The following HDAC6 variants were observed in gnomAD, a reference collection of about 807,000 sequenced individuals.
HDAC6 encodes the protein histone deacetylase 6.
In HDAC6, 5 loss-of-function variants were observed where a neutral mutation model predicts 88.9. The observed-to-expected ratio is 0.06, with a 90% CI of 0.03 to 0.12. The LOEUF is 0.12. Ranked by LOEUF, HDAC6 falls within the 10% of genes least tolerant of loss-of-function variation. The pLI, the probability that HDAC6 is intolerant of heterozygous loss-of-function variation, is 1.00. For synonymous variants in HDAC6, 378 were observed against 398.0 expected (o/e 0.95, Z 0.60); for missense variants, 706 against 1,014.4 (o/e 0.70, Z 4.13).
intron 26 of HDAC6, 61 bp from the exon 27 acceptor site, chrX:48,823,861 A>G (rs1557031374): frequency 8.4e-7 from 1 of 1,197,532 alleles, no homozygotes; most frequent in African/African-American, 1.8e-5. Context: ...GCATGTGATG[A>G]ATAAACATAT....
rs782785894 is a variant in HDAC6, at chrX:48,806,166, G to A, written c.438-202G>A. ...GCCAAAGGCCTGAAAGTAGGATTTG[G>A]TGTGGCTACTGCAGGGGAGCAGAGA... On this transcript the variant is annotated intron_variant, in intron 6 of 28. Transcript: ENST00000334136. 3 of 405,547 alleles carry A rather than the reference G, an allele frequency of 7.4e-6. No individual in the cohort carries two copies. In the East Asian group the frequency reaches 1.2e-4, roughly 17 times the overall value. 33.4% of individuals were successfully genotyped at this position (405,547 alleles called of 1,213,427 possible).
chrX:48,803,184 G>A lies in HDAC6; in HGVS notation c.279G>A (p.Gln93=). Residue 93 remains glutamine (Q), a synonymous_variant, in exon 4 of 29, where the codon CAG becomes CAA. Transcript: ENST00000334136. ...LAGTGLVLDE[Q]LNEFHCLWDD... ...GCACTGGCTTGGTGTTGGATGAGCA[G>A]TTAAATGAATTCCATTGCCTCTGGG... The A allele has an allele frequency of 2.5e-6, 3 of 1,210,183 alleles. No individual in the cohort carries two copies. The highest frequency in any genetic ancestry group is 2.2e-5 in the Admixed American group (1 of 45,990).
chrX:48,816,765 G>C (rs1238372989), intron 19 of HDAC6, 132 bp downstream of exon 19: 1 of 489,295 alleles, frequency 2.0e-6, no homozygotes, highest in Non-Finnish European at 3.2e-6. Context: ...GGCACGGGAG[G>C]GGGTGGGCCT....
At chrX:48,801,824 G>C, upstream of HDAC6, 1 of 967,685 alleles carries the variant, frequency 1.0e-6, no homozygotes, top group East Asian at 7.5e-5. Flanking sequence ...GGGCAGTCGA[G>C]AGACGAGGCC....
chrX:48,824,292 C>A lies in HDAC6; in HGVS notation c.3577C>A (p.Gln1193Lys). ...CYYCQAYVHH[Q>K]ALLDVKNIAH... ...CTACTGTCAGGCCTATGTCCACCAC[C>A]AGGTGGGCCCTGGGTAGACCCTTCG... The change falls in exon 28 of 29, where the codon CAG becomes AAG. Residue 1193 changes from glutamine to lysine, a missense_variant and splice_region_variant. By Grantham distance (53) the Gln-to-Lys change is moderately conservative. Around this residue, in one of 9 missense-constraint regions of HDAC6, gnomAD observed 36 missense variants for 35.5 expected, o/e 1.01. Transcript: ENST00000334136. 3.3e-6 allele frequency: 4 copies of A among 1,208,056 alleles called. No individual in the cohort carries two copies. The highest frequency in any genetic ancestry group is 4.5e-6 in the Non-Finnish European group (4 of 893,426).
In HDAC6 at chrX:48,806,596, A is replaced by G. The variant is rs375315596; in HGVS notation, c.535-13A>G. On this transcript the variant is annotated splice_polypyrimidine_tract_variant and intron_variant, in intron 7 of 28. Coordinates refer to ENST00000334136, the MANE Select transcript of HDAC6 (RefSeq NM_006044.4). ...TCCCTTACTCCCTTTCTGGCTCCCCACTGTCTCTCCAGAACTCATACTCCT... is the reference window on the plus strand; with the variant it reads ...TCCCTTACTCCCTTTCTGGCTCCCCGCTGTCTCTCCAGAACTCATACTCCT... 261 of 1,172,916 alleles carry G rather than the reference A, an allele frequency of 2.2e-4. No individual in the cohort carries two copies. In the Middle Eastern group the frequency reaches 7.3e-3, roughly 33 times the overall value.
Position 48,824,258 on chromosome X carries a change from C to A in HDAC6, c.3543C>A (p.Ala1181=). 2.5e-6 allele frequency: 3 copies of A among 1,211,293 alleles called. No homozygotes were observed. The highest frequency in any genetic ancestry group is 3.4e-6 in the Non-Finnish European group (3 of 895,194). The change falls in exon 28 of 29, where the codon GCC becomes GCA. Residue 1181 remains alanine (A), a synonymous_variant. Coordinates refer to ENST00000334136, the MANE Select transcript of HDAC6 (RefSeq NM_006044.4). The part of the protein sequence containing the change: ...PLVLSYIDLS[A]WCYYCQAYVH... ...TCCTCAGCTACATCGACCTGTCAGC[C>A]TGGTGTTACTACTGTCAGGCCTATG...
At position 48,822,755 on chromosome X, in the gene HDAC6, C is replaced by A; in HGVS notation, c.2473C>A (p.Gln825Lys). ...CCTGGCCTCAATCACTGAGACCATC[C>A]AAGTCCATCGCAGATACTGGCGCAG... is the stretch of plus-strand genomic sequence containing the variant. ...GALASITETI[Q>K]VHRRYWRSLR... Residue 825 changes from glutamine (Q) to lysine (K), a missense_variant, in exon 24 of 29, where the codon CAA becomes AAA. Gln to Lys is a moderately conservative substitution (Grantham distance 53, BLOSUM62 1). Transcript: ENST00000334136. 8.3e-7 allele frequency: 1 copy of A among 1,207,361 alleles called. No individual in the cohort carries two copies.
At chrX:48,817,512 G>T (rs891707858) in intron 20 of HDAC6, 53 bp downstream of exon 20, 102 of 1,095,739 alleles carry the variant, frequency 9.3e-5, no homozygotes, top group Non-Finnish European at 1.3e-4. Context: ...GGACCTGGAT[G>T]CTCCCCCCAG....
chrX:48,817,488 C>G (rs1240433939), intron 20 of HDAC6, 29 bp downstream of exon 20: 2 of 1,187,618 alleles, frequency 1.7e-6, no homozygotes, highest in African/African-American at 3.5e-5. Context: ...CCCCCCAAAT[C>G]CTGATCCTTG....
intron 23 of HDAC6, 89 bp downstream of exon 23, chrX:48,820,344 T>A: frequency 1.2e-6 from 1 of 816,325 alleles, no homozygotes; most frequent in Non-Finnish European, 1.7e-6. Context: ...TGAAATCTCC[T>A]TTGAGTGTCC....
Position 48,802,139 on chromosome X carries a change from G to A in HDAC6, c.-34G>A. On this transcript the variant is annotated 5_prime_UTR_variant, in exon 1 of 29. Transcript: ENST00000334136. ...GCTAGGGGCGGGATCTGGCGGAGTG[G>A]AAGGTACCGGTCCGGCCCGATAAGG... 1.1e-6 allele frequency: 1 copy of A among 887,729 alleles called. No homozygotes were observed. The highest frequency in any genetic ancestry group is 1.4e-6 in the Non-Finnish European group (1 of 716,620). The allele number at this position is 887,729 out of a possible 1,213,427, so 73.2% of individuals were successfully genotyped here. A position where few individuals can be genotyped will look rare whatever the true frequency, so the allele number is the denominator to read the frequency against.
chrX:48,803,461 G>A (rs924502994), intron 4 of HDAC6: 1 of 379,477 alleles, frequency 2.6e-6, no homozygotes, highest in East Asian at 4.5e-5. Flanking sequence ...CTCTAGGAGC[G>A]GATTGATGAG....
In HDAC6 at chrX:48,805,485, T is replaced by A; in HGVS notation, c.359T>A (p.Ile120Asn). The change falls in exon 5 of 29, where the codon ATC becomes AAC. Residue 120 changes from isoleucine to asparagine, a missense_variant. Ile to Asn is a moderately radical substitution (Grantham distance 149, BLOSUM62 -3). Coordinates refer to ENST00000334136, the MANE Select transcript of HDAC6 (RefSeq NM_006044.4). Reference sequence around the variant, plus strand: ...CTCCATGCCATCAAGGAGCAACTGATCCAGGAGGGCCTCCTAGATCGCTGC... The same window carrying A: ...CTCCATGCCATCAAGGAGCAACTGAACCAGGAGGGCCTCCTAGATCGCTGC... ...ERLHAIKEQLIQEGLLDRCVS... is the reference protein window; with the variant it reads ...ERLHAIKEQLNQEGLLDRCVS... The A allele has an allele frequency of 8.3e-7, 1 of 1,210,300 alleles. No individual in the cohort carries two copies. The highest frequency in any genetic ancestry group is 1.1e-6 in the Non-Finnish European group (1 of 894,580).
chrX:48,810,557 T>G (rs1315922390), intron 10 of HDAC6: 1 of 111,366 alleles, frequency 9.0e-6, no homozygotes, highest in African/African-American at 3.3e-5. Context: ...ATGTTAGACT[T>G]CCTGGGTTGA....
At position 48,820,103 on chromosome X, in the gene HDAC6, C is replaced by T. The variant is rs782057778; in HGVS notation, c.2188-3C>T. ...TTATACATCTCTTCTCTCCCTGCCTCAGTTTAACCCAGAACTGGTGCTGGT... is the reference window on the plus strand; with the variant it reads ...TTATACATCTCTTCTCTCCCTGCCTTAGTTTAACCCAGAACTGGTGCTGGT... On this transcript the variant is annotated splice_polypyrimidine_tract_variant and splice_region_variant and intron_variant, in intron 22 of 28. Coordinates refer to ENST00000334136, the MANE Select transcript of HDAC6 (RefSeq NM_006044.4). 8.3e-6 allele frequency: 10 copies of T among 1,210,763 alleles called. No individual in the cohort carries two copies. The highest frequency in any genetic ancestry group is 1.8e-5 in the South Asian group (1 of 56,964).
chrX:48,805,474 G>C lies in HDAC6; in HGVS notation c.348G>C (p.Lys116Asn), dbSNP rs201526063. 1 of 1,208,677 alleles carries C rather than the reference G, an allele frequency of 8.3e-7. No individual in the cohort carries two copies. The highest frequency in any genetic ancestry group is 3.0e-5 in the East Asian group (1 of 33,709). Residue 116 changes from lysine to asparagine, a missense_variant, in exon 5 of 29, where the codon AAG (lysine) becomes AAC (asparagine). Lys to Asn is a moderately conservative substitution (Grantham distance 94, BLOSUM62 0). Transcript: ENST00000334136. ...PEGPERLHAI[K>N]EQLIQEGLLD... ...GCCCTGAGCGGCTCCATGCCATCAAGGAGCAACTGATCCAGGAGGGCCTCC... is the reference window on the plus strand; with the variant it reads ...GCCCTGAGCGGCTCCATGCCATCAACGAGCAACTGATCCAGGAGGGCCTCC...
rs372611311 is a variant in HDAC6 at position 48,805,569 on chromosome X, C to A, written c.396+47C>A. The stretch of plus-strand genomic sequence containing the variant: ...TCTGGGTGAAGGGCAGGGAGCTGAC[C>A]TGACCTGGGTGCAGCCCATGCCTTA... On this transcript the variant is annotated intron_variant, in intron 5 of 28. Transcript: ENST00000334136. 8 of 1,182,473 alleles carry A rather than the reference C, an allele frequency of 6.8e-6. No individual in the cohort carries two copies. The African/African-American group carries it at 1.2e-4, about 18-fold the overall frequency.
chrX:48,816,758 A>T, intron 19 of HDAC6, 125 bp downstream of exon 19: 10 of 315,348 alleles, frequency 3.2e-5, no homozygotes, highest in East Asian at 2.2e-4. Flanking sequence ...GGGGAGGGGC[A>T]CGGGAGGGGG....
Sources: gnomAD v4.1 joint callset for allele counts on GRCh38, gnomAD v4.1.1 for gene constraint, gnomAD v4.1.1 regional missense constraint, MANE v1.5 for transcripts, NCBI Gene and HGNC (gene_info 2026-07-23, HGNC 2026-07-21) for gene names.